TRDN: variants seen among roughly 807,000 people sequenced by gnomAD.
TRDN encodes the protein triadin in skeletal muscle.
TRDN carries 161 observed loss-of-function variants against 149.7 expected under a neutral mutation model. The ratio of observed to expected loss-of-function variants is 1.08; its 90% CI spans 0.95 to 1.23. The LOEUF is 1.23. Ranked by LOEUF, TRDN falls within the 50% of genes most tolerant of loss-of-function variation. The pLI is 0.00. For missense variants in TRDN, 896 were observed against 823.5 expected, an observed-to-expected ratio of 1.09 and a Z score of -1.08; for synonymous variants, 294 against 250.5, an observed-to-expected ratio of 1.17 and a Z score of -1.64.
chr6:123,512,219 A>G, intron 7 of TRDN, 84 bp downstream of exon 7: 1 of 773,136 alleles, frequency 1.3e-6, no homozygotes, highest in Non-Finnish European at 2.0e-6. Flanking sequence ...AAAAGTTTAC[A>G]AATATCCAAC....
chr6:123,467,368 C>T (rs78175903), intron 9 of TRDN, among the ~76,000 whole-genome samples: 16,360 of 150,374 alleles, frequency 0.11, 1,013 homozygotes, highest in Middle Eastern at 0.17. Flanking sequence ...TATTAGAACA[C>T]ACAAACTGGT....
intron 24 of TRDN, among the ~76,000 whole-genome samples, chr6:123,305,376 T>C (rs933757891): frequency 5.3e-5 from 8 of 152,200 alleles, no homozygotes; most frequent in East Asian, 1.9e-4. Flanking sequence ...TAACTCTATA[T>C]ATCATTTTTA....
At chr6:123,401,635 A>T (rs1772977096) in intron 12 of TRDN, among the ~76,000 whole-genome samples, 1 of 152,082 alleles carries the variant, frequency 6.6e-6, no homozygotes, top group Non-Finnish European at 1.5e-5. Context: ...ATTTTTAAGG[A>T]GGCAGGATAT....
chr6:123,539,034 A>G (rs1023473325), intron 4 of TRDN, among the ~76,000 whole-genome samples: 1 of 152,194 alleles, frequency 6.6e-6, no homozygotes, highest in Non-Finnish European at 1.5e-5. Context: ...GATGTGCTAG[A>G]TAAGACTGAT....
chr6:123,547,225 C>G (rs951383822), intron 4 of TRDN, 115 bp downstream of exon 4: 1 of 624,620 alleles, frequency 1.6e-6, no homozygotes, highest in Non-Finnish European at 2.6e-6. Flanking sequence ...AAATCTTGAC[C>G]TAATTATTAA....
intron 12 of TRDN, among the ~76,000 whole-genome samples, chr6:123,430,804 C>G (rs1774308779): frequency 6.6e-6 from 1 of 152,098 alleles, no homozygotes; most frequent in East Asian, 1.9e-4. Flanking sequence ...TGCCCATGTC[C>G]TTACCTCATT....
chr6:123,478,085 A>G (rs1213674526), intron 9 of TRDN, among the ~76,000 whole-genome samples: 3 of 59,424 alleles, frequency 5.0e-5, no homozygotes, highest in Middle Eastern at 8.8e-3. Context: ...AATGTTCACC[A>G]AAAAAAAAAA....
chr6:123,597,236 G>A (rs1469428460), intron 1 of TRDN, among the ~76,000 whole-genome samples: 1 of 152,080 alleles, frequency 6.6e-6, no homozygotes, highest in African/African-American at 2.4e-5. Context: ...AACTGCAGAT[G>A]TAATAGAAAT....
chr6:123,520,155 A>T (rs902881015), intron 5 of TRDN, among the ~76,000 whole-genome samples: 2 of 152,116 alleles, frequency 1.3e-5, no homozygotes, highest in East Asian at 1.9e-4. Flanking sequence ...AGGCAAGATG[A>T]TCTCTATGCT....
chr6:123,438,298 G>A (rs528997096), intron 11 of TRDN, among the ~76,000 whole-genome samples, 176 bp from the exon 12 acceptor site: 1 of 151,198 alleles, frequency 6.6e-6, no homozygotes, highest in African/African-American at 2.4e-5. Flanking sequence ...TAGTGGCTTA[G>A]GTATAATTTC....
In TRDN at chr6:123,401,871, C is replaced by T. The variant is rs140370184; in HGVS notation, c.1052-8194G>A. Among the ~76,000 whole-genome samples the T allele has an allele frequency of 4.5e-3, 678 of 150,564 alleles. 6 individuals carry two copies. The highest frequency in any genetic ancestry group is 5.8e-3 in the South Asian group (27 of 4,646). ...CTGAGGCAGGAGAATTGCTTGAACCCGGGAGGTGGAGGTTGCAGTGAGCCA... is the reference window on the plus strand; with the variant it reads ...CTGAGGCAGGAGAATTGCTTGAACCTGGGAGGTGGAGGTTGCAGTGAGCCA... On this transcript the variant is annotated intron_variant, in intron 12 of 40. Transcript: ENST00000334268.
chr6:123,549,940 T>C (rs1781304120), intron 2 of TRDN, among the ~76,000 whole-genome samples: 1 of 151,926 alleles, frequency 6.6e-6, no homozygotes, highest in Admixed American at 6.6e-5. Context: ...TGCTCTGAGC[T>C]GGGGGAGGAC....
chr6:123,285,968 A>C (rs1257592989), intron 24 of TRDN, among the ~76,000 whole-genome samples: 1 of 152,166 alleles, frequency 6.6e-6, no homozygotes, highest in African/African-American at 2.4e-5. Context: ...TCAAAACCAC[A>C]ATATGATACC....
intron 22 of TRDN, among the ~76,000 whole-genome samples, chr6:123,333,338 C>A (rs766523458): frequency 3.9e-5 from 6 of 151,978 alleles, no homozygotes; most frequent in Admixed American, 6.6e-5. Context: ...AATACAGGAC[C>A]TAGAATGAGA....
At chr6:123,472,816 A>G (rs1188641498) in intron 9 of TRDN, among the ~76,000 whole-genome samples, 7 of 141,928 alleles carry the variant, frequency 4.9e-5, no homozygotes, top group Non-Finnish European at 9.9e-5. Context: ...CTGGGAGGCA[A>G]CCCCCCAGCA....
chr6:123,628,845 C>T lies in TRDN; in HGVS notation c.22+7909G>A, dbSNP rs115022709. Among the ~76,000 whole-genome samples the T allele has an allele frequency of 9.7e-3, 1,479 of 152,096 alleles. 18 individuals carry two copies. Among genetic ancestry groups the T allele is most frequent in the African/African-American group, 0.033 (1,375 of 41,512 alleles). Reference sequence around the variant, plus strand: ...TATTAAAATATTGAATAAAACCAAACCTCTGGCATGACATACTGCTTCATA... The same window carrying T: ...TATTAAAATATTGAATAAAACCAAATCTCTGGCATGACATACTGCTTCATA... On this transcript the variant is annotated intron_variant, in intron 1 of 40. Transcript: ENST00000334268.
chr6:123,580,236 G>C lies in TRDN; in HGVS notation c.23-9104C>G, dbSNP rs147388655. ...TTGACTTTACATTTTCAATTTAGCA[G>C]GTCCTCACCATTCAGAACACTATTT... On this transcript the variant is annotated intron_variant, in intron 1 of 40. Transcript: ENST00000334268. Among the ~76,000 whole-genome samples the C allele has an allele frequency of 2.5e-4, 38 of 152,024 alleles. No homozygotes were observed. In the East Asian group the frequency reaches 7.2e-3, roughly 29 times the overall value.
intron 12 of TRDN, among the ~76,000 whole-genome samples, chr6:123,422,128 A>G (rs1312126276): frequency 6.6e-6 from 1 of 152,084 alleles, no homozygotes; most frequent in Admixed American, 6.6e-5. Flanking sequence ...ATTTGGGAGG[A>G]TGTGCGTAGG....
At chr6:123,302,147 C>G (rs1337809991) in intron 24 of TRDN, among the ~76,000 whole-genome samples, 1 of 151,536 alleles carries the variant, frequency 6.6e-6, no homozygotes, top group African/African-American at 2.4e-5. Context: ...TATATTTATT[C>G]TACTGATGAC....
Sources: allele counts gnomAD v4.1 joint callset (sites outside exome capture counted in the v4.1 genomes callset), GRCh38; gene constraint gnomAD v4.1.1; transcripts MANE v1.5; gene names NCBI Gene and HGNC (gene_info 2026-07-23, HGNC 2026-07-21).